The following RORA variants were observed in gnomAD, a reference collection of about 807,000 sequenced individuals.
RORA encodes RAR related orphan receptor A.
In RORA, 7 loss-of-function variants were observed where a neutral mutation model predicts 69.5. The ratio of observed to expected loss-of-function variants is 0.10; its 90% CI spans 0.06 to 0.19. RORA has a LOEUF of 0.19. RORA is among the 10% of genes least tolerant of loss of function. RORA has a pLI of 1.00. For missense variants in RORA, 457 were observed against 663.0 expected (o/e 0.69, Z 3.41); for synonymous variants, 261 against 240.8 (o/e 1.08, Z -0.78).
chr15:61,220,151 T>A (rs1881746031), intron 1 of RORA, among the ~76,000 whole-genome samples: 1 of 152,248 alleles, frequency 6.6e-6, no homozygotes, highest in African/African-American at 2.4e-5. Context: ...CTTGTCATCA[T>A]CAGTCAACTA....
At chr15:60,505,433 T>C in intron 6 of RORA, 75 bp downstream of exon 6, 2 of 1,477,846 alleles carry the variant, frequency 1.4e-6, no homozygotes, top group South Asian at 1.2e-5. Flanking sequence ...GTGTGAACTC[T>C]TGACCAACTT....
rs917683556 is a variant in RORA at position 60,521,266 on chromosome 15, G to A, written c.283-6509C>T. ...ATTGTCATTTTTTTTTTTTTGAGAC[G>A]GAGTCTTGGTCCGTCACCAGGCTGG... is the stretch of plus-strand genomic sequence containing the variant. On this transcript the variant is annotated intron_variant, in intron 3 of 10. Transcript: ENST00000335670. Among the ~76,000 whole-genome samples, 20 of 146,588 alleles carry A rather than the reference G, an allele frequency of 1.4e-4. No homozygotes were observed. The East Asian group carries it at 2.6e-3, about 19-fold the overall frequency.
At position 60,928,524 on chromosome 15, in the gene RORA, A is replaced by G. The variant is rs150042011; in HGVS notation, c.167-249838T>C. Reference sequence around the variant, plus strand: ...AGTAAACACTACTTGCCAAATGAATAGACTAAGTAATAATCAGAAGTGGAG... The same window carrying G: ...AGTAAACACTACTTGCCAAATGAATGGACTAAGTAATAATCAGAAGTGGAG... On this transcript the variant is annotated intron_variant, in intron 1 of 10. Transcript: ENST00000335670. Among the ~76,000 whole-genome samples, 99 of 152,334 alleles carry G rather than the reference A, an allele frequency of 6.5e-4. 1 individual carries two copies. The highest frequency in any genetic ancestry group is 2.2e-3 in the African/African-American group (90 of 41,576).
At chr15:61,178,292 C>T (rs2079649969) in intron 1 of RORA, among the ~76,000 whole-genome samples, 1 of 152,162 alleles carries the variant, frequency 6.6e-6, no homozygotes. Flanking sequence ...AAATCCCAAA[C>T]CAACCAACAG....
chr15:61,116,759 G>T (rs1275675850), intron 1 of RORA, among the ~76,000 whole-genome samples: 1 of 115,950 alleles, frequency 8.6e-6, no homozygotes, highest in African/African-American at 3.9e-5. Flanking sequence ...GAAGCTGAGA[G>T]AATTTTTTTT....
At chr15:60,864,150 G>T (rs552018886) in intron 1 of RORA, among the ~76,000 whole-genome samples, 1 of 152,148 alleles carries the variant, frequency 6.6e-6, no homozygotes, top group Non-Finnish European at 1.5e-5. Flanking sequence ...GGACAACTGG[G>T]GTGGCATGGT....
Position 60,916,906 on chromosome 15 carries a change from T to C in RORA, c.167-238220A>G, listed in dbSNP as rs115346175. ...TACATTGCTTATTGCAACTAGAATATTTCTCAACCAACATCCTTCTTAATA... is the reference window on the plus strand; with the variant it reads ...TACATTGCTTATTGCAACTAGAATACTTCTCAACCAACATCCTTCTTAATA... On this transcript the variant is annotated intron_variant, in intron 1 of 10. Transcript: ENST00000335670. Among the ~76,000 whole-genome samples the C allele has an allele frequency of 3.5e-3, 539 of 152,346 alleles. 3 individuals carry two copies. Among genetic ancestry groups the C allele is most frequent in the African/African-American group, 0.012 (514 of 41,576 alleles).
At chr15:60,705,725 T>A (rs894587516) in intron 1 of RORA, among the ~76,000 whole-genome samples, 4 of 152,166 alleles carry the variant, frequency 2.6e-5, no homozygotes, top group Admixed American at 6.5e-5. Context: ...ATTATTAAAA[T>A]TTTTTAAAAT....
intron 1 of RORA, among the ~76,000 whole-genome samples, chr15:60,855,539 T>C (rs888075324): frequency 1.1e-4 from 17 of 152,222 alleles, no homozygotes; most frequent in African/African-American, 4.1e-4. Flanking sequence ...GCAGGTAAAA[T>C]GTGACTCAGA....
intron 1 of RORA, among the ~76,000 whole-genome samples, chr15:60,865,453 G>A (rs1458530793): frequency 1.3e-5 from 2 of 152,134 alleles, no homozygotes; most frequent in Non-Finnish European, 2.9e-5. Flanking sequence ...TTTTTGCTTG[G>A]AGCCAAATCT....
intron 1 of RORA, among the ~76,000 whole-genome samples, chr15:61,058,444 A>G (rs1176857762): frequency 6.6e-6 from 1 of 152,196 alleles, no homozygotes; most frequent in Admixed American, 6.5e-5. Flanking sequence ...AAGTCAGCTC[A>G]GGGGTGAAGA....
At chr15:60,978,961 CTTTT>C (rs543353825) in intron 1 of RORA, among the ~76,000 whole-genome samples, 2 of 95,134 alleles carry the variant, frequency 2.1e-5, no homozygotes, top group Admixed American at 1.5e-4. Context: ...CAACTTTGCT[CTTTT>C]TTTTTTTTTT....
chr15:60,824,578 T>C (rs1166249225), intron 1 of RORA, among the ~76,000 whole-genome samples: 1 of 152,204 alleles, frequency 6.6e-6, no homozygotes, highest in Non-Finnish European at 1.5e-5. Context: ...GATTCAAATC[T>C]CATCTTCTGC....
chr15:61,038,010 G>C (rs1168619510), intron 1 of RORA, among the ~76,000 whole-genome samples: 1 of 152,062 alleles, frequency 6.6e-6, no homozygotes, highest in Non-Finnish European at 1.5e-5. Context: ...ATTAACATGG[G>C]TGTGTTTAAG....
At chr15:60,825,935 A>G (rs2072949661) in intron 1 of RORA, among the ~76,000 whole-genome samples, 1 of 152,218 alleles carries the variant, frequency 6.6e-6, no homozygotes, top group Admixed American at 6.5e-5. Flanking sequence ...TTCTAGCATT[A>G]TAAATATATT....
chr15:60,716,167 C>T (rs139289609), intron 1 of RORA, among the ~76,000 whole-genome samples: 2 of 152,276 alleles, frequency 1.3e-5, no homozygotes, highest in East Asian at 3.9e-4. Flanking sequence ...CAACTTCCAG[C>T]CCATGGACTA....
chr15:60,990,261 A>G (rs1462704802), intron 1 of RORA, among the ~76,000 whole-genome samples: 3 of 152,192 alleles, frequency 2.0e-5, no homozygotes, highest in Admixed American at 2.0e-4. Flanking sequence ...AATAGTATAA[A>G]AGTGTTAGGA....
chr15:60,603,213 TG>T (rs2068861135), intron 2 of RORA, among the ~76,000 whole-genome samples: 1 of 152,238 alleles, frequency 6.6e-6, no homozygotes, highest in Non-Finnish European at 1.5e-5. Context: ...AAAATAAAGC[TG>T]GTATAAATAT....
At chr15:60,776,785 C>G (rs758909089) in intron 1 of RORA, among the ~76,000 whole-genome samples, 3 of 152,066 alleles carry the variant, frequency 2.0e-5, no homozygotes, top group South Asian at 2.1e-4. Context: ...GTGCAATTAC[C>G]GTCTTTGGAT....
Sources: gnomAD v4.1 joint callset for allele counts (sites outside exome capture counted in the v4.1 genomes callset) on GRCh38, gnomAD v4.1.1 for gene constraint, MANE v1.5 for transcripts, NCBI Gene and HGNC (gene_info 2026-07-23, HGNC 2026-07-21) for gene names.